Variants in CDKN2B-AS1 observed in about 807,000 individuals in gnomAD.
The protein encoded by CDKN2B-AS1 is CDKN2B and CDKN2A antisense cis and trans regulatory RNA 1.
At chr9:22,019,005 A>G (rs1821907721) in intron 1 of CDKN2B-AS1, among the ~76,000 whole-genome samples, 1 of 152,186 alleles carries the variant, frequency 6.6e-6, no homozygotes, top group Non-Finnish European at 1.5e-5. Context: ...AACTAATCAA[A>G]AGAGAGGCAG....
Position 22,005,967 on chromosome 9 carries a change from G to C in CDKN2B-AS1, n.29+10806G>C. 6.3e-7 allele frequency: 1 copy of C among 1,599,628 alleles called. No individual in the cohort carries two copies. The highest frequency in any genetic ancestry group is 1.1e-5 in the South Asian group (1 of 90,814). On this transcript the variant is annotated intron_variant and non_coding_transcript_variant, in intron 1 of 4. Transcript: ENST00000650946. This position sits in a 1 kb window ranked among gnomAD's most constrained non-coding sequence, Gnocchi z 4.9. ...TGGGTAAGAAAATAAAGTCGTTGTGGGCGGCTGGGGAACCTGGCGTCAGTC... is the reference window on the plus strand; with the variant it reads ...TGGGTAAGAAAATAAAGTCGTTGTGCGCGGCTGGGGAACCTGGCGTCAGTC...
Position 22,020,779 on chromosome 9 carries a change from C to G in CDKN2B-AS1, n.29+25618C>G, listed in dbSNP as rs1821983180. On this transcript the variant is annotated intron_variant and non_coding_transcript_variant, in intron 1 of 4. Coordinates refer to ENST00000650946, the Ensembl canonical transcript of CDKN2B-AS1. ...TCTTTATAGATGCTGGATATTAGAC[C>G]TTTGTCAGATGCATAGTTTAAAGAA... 2.0e-5 allele frequency among the ~76,000 whole-genome samples: 3 copies of G among 152,214 alleles called. No individual in the cohort carries two copies. The South Asian group carries it at 6.2e-4, about 32-fold the overall frequency.
chr9:22,013,249 A>G (rs776085046), intron 1 of CDKN2B-AS1, among the ~76,000 whole-genome samples: 1 of 152,312 alleles, frequency 6.6e-6, no homozygotes, highest in East Asian at 1.9e-4. Context: ...ATTGTGAGGT[A>G]TTGGGCTTAG....
intron 1 of CDKN2B-AS1, among the ~76,000 whole-genome samples, chr9:22,028,180 C>G (rs568243258): frequency 6.6e-5 from 10 of 151,906 alleles, no homozygotes; most frequent in Admixed American, 5.9e-4. Flanking sequence ...CTCCTCCCAT[C>G]TGATAAAATA....
intron 4 of CDKN2B-AS1, among the ~76,000 whole-genome samples, chr9:22,086,355 A>T (rs1824867858): frequency 6.6e-6 from 1 of 152,220 alleles, no homozygotes; most frequent in African/African-American, 2.4e-5. Flanking sequence ...AAAAGTATTT[A>T]AAACACAAGT....
intron 4 of CDKN2B-AS1, among the ~76,000 whole-genome samples, chr9:22,108,545 G>A (rs777240498): frequency 3.0e-4 from 46 of 152,162 alleles, no homozygotes; most frequent in Non-Finnish European, 6.3e-4. Context: ...AGTCCTACTT[G>A]AGGATCTCAA....
At chr9:22,073,919 A>G (rs1002073528) in intron 4 of CDKN2B-AS1, among the ~76,000 whole-genome samples, 1 of 151,274 alleles carries the variant, frequency 6.6e-6, no homozygotes, top group African/African-American at 2.4e-5. Context: ...GCTGGAGAGC[A>G]GTGTTATGAT....
At chr9:22,016,200 G>A (rs1158148561) in intron 1 of CDKN2B-AS1, among the ~76,000 whole-genome samples, 3 of 152,106 alleles carry the variant, frequency 2.0e-5, no homozygotes, top group South Asian at 2.1e-4. Flanking sequence ...TAATGCCTAG[G>A]TTTTCTTCTA....
chr9:22,124,895 G>A (rs149114363), intron 4 of CDKN2B-AS1, among the ~76,000 whole-genome samples: 63 of 152,288 alleles, frequency 4.1e-4, no homozygotes, highest in African/African-American at 1.4e-3. Flanking sequence ...ATGTCTACAC[G>A]CAAATGAGAA....
intron 4 of CDKN2B-AS1, chr9:22,092,570 G>T (rs1281684173): frequency 2.0e-5 from 3 of 152,138 alleles, no homozygotes; most frequent in Non-Finnish European, 2.9e-5. Flanking sequence ...ATGTGTCGAG[G>T]AATTTATCCA....
chr9:22,008,469 G>A (rs1191145146), intron 1 of CDKN2B-AS1, among the ~76,000 whole-genome samples: 1 of 151,978 alleles, frequency 6.6e-6, no homozygotes, highest in African/African-American at 2.4e-5. Context: ...TATCTTTATC[G>A]TTGAAAGCAG....
At chr9:22,091,144 T>C (rs1825068617) in intron 4 of CDKN2B-AS1, among the ~76,000 whole-genome samples, 1 of 152,208 alleles carries the variant, frequency 6.6e-6, no homozygotes, top group Non-Finnish European at 1.5e-5. Flanking sequence ...TGTAGATATG[T>C]GGCATTATTT....
chr9:22,029,838 A>C (rs1822396239), intron 1 of CDKN2B-AS1: 1 of 211,604 alleles, frequency 4.7e-6, no homozygotes, highest in Non-Finnish European at 9.3e-6. Context: ...TAAATTAGGA[A>C]AAATGTGTTT....
chr9:22,119,851 T>C (rs555928115), intron 4 of CDKN2B-AS1: 65 of 152,314 alleles, frequency 4.3e-4, no homozygotes, highest in African/African-American at 1.5e-3. Flanking sequence ...AGTTCTTCAG[T>C]GGGCTTGAGG....
chr9:22,126,228 G>A (rs1339847812), intron 4 of CDKN2B-AS1, among the ~76,000 whole-genome samples: 4 of 152,162 alleles, frequency 2.6e-5, no homozygotes, highest in Non-Finnish European at 5.9e-5. Context: ...TCCAACCTAT[G>A]TTTTTCCAGG....
At chr9:22,019,244 A>G (rs1340138425) in intron 1 of CDKN2B-AS1, among the ~76,000 whole-genome samples, 1 of 152,232 alleles carries the variant, frequency 6.6e-6, no homozygotes, top group African/African-American at 2.4e-5. Flanking sequence ...ATAAAGACAC[A>G]TGATGTGATC....
At chr9:22,023,633 C>T (rs1209111685) in intron 1 of CDKN2B-AS1, among the ~76,000 whole-genome samples, 1 of 151,996 alleles carries the variant, frequency 6.6e-6, no homozygotes, top group African/African-American at 2.4e-5. Context: ...ATCTCAGCTA[C>T]TGGGGAGACT....
intron 1 of CDKN2B-AS1, among the ~76,000 whole-genome samples, chr9:22,015,560 C>A (rs1411726887): frequency 2.0e-5 from 3 of 151,978 alleles, no homozygotes; most frequent in African/African-American, 7.2e-5. Context: ...TTGGGGAAGA[C>A]TGTCATCTAA....
chr9:22,088,378 C>G (rs1338795423), intron 4 of CDKN2B-AS1, among the ~76,000 whole-genome samples: 1 of 152,088 alleles, frequency 6.6e-6, no homozygotes, highest in Non-Finnish European at 1.5e-5. Context: ...TTGAGAATTT[C>G]TGGAAAACCA....
Sources: gnomAD v4.1 joint callset for allele counts (sites outside exome capture counted in the v4.1 genomes callset) on GRCh38, gnomAD v4.1.1 for gene constraint, Gnocchi (gnomAD v3.1) non-coding constraint, MANE v1.5 for transcripts, NCBI Gene and HGNC (gene_info 2026-07-23, HGNC 2026-07-21) for gene names.